Variants in ITGBL1 observed in about 807,000 individuals in gnomAD.
The protein encoded by ITGBL1 is integrin beta-like protein 1.
ITGBL1 carries 51 observed loss-of-function variants against 68.5 expected under a neutral mutation model. The observed-to-expected ratio is 0.74, with a 90% CI of 0.59 to 0.94. ITGBL1 has a LOEUF of 0.94. Among genes scored for constraint, ITGBL1 ranks in the 40% least tolerant of loss-of-function variants. The pLI is 0.00. For missense variants in ITGBL1, 649 were observed against 647.4 expected, an observed-to-expected ratio of 1.00 and a Z score of -0.03; for synonymous variants, 209 against 227.3, an observed-to-expected ratio of 0.92 and a Z score of 0.72.
intron 2 of ITGBL1, among the ~76,000 whole-genome samples, chr13:101,504,060 T>A (rs2048986188): frequency 6.6e-6 from 1 of 152,176 alleles, no homozygotes; most frequent in African/African-American, 2.4e-5. Context: ...CTGTAAAAGA[T>A]AAAGGCAATT....
intron 7 of ITGBL1, among the ~76,000 whole-genome samples, chr13:101,634,217 C>T (rs1033514197): frequency 6.6e-6 from 1 of 152,074 alleles, no homozygotes; most frequent in Non-Finnish European, 1.5e-5. Context: ...CTCTGCAAAA[C>T]TTGGAGTACA....
chr13:101,482,688 T>C (rs543688430), intron 2 of ITGBL1, among the ~76,000 whole-genome samples: 1 of 152,274 alleles, frequency 6.6e-6, no homozygotes, highest in South Asian at 2.1e-4. Context: ...AGGAGGCAGA[T>C]GTTTTTCAAA....
intron 7 of ITGBL1, among the ~76,000 whole-genome samples, chr13:101,613,274 A>G (rs72659145): frequency 0.21 from 31,530 of 152,100 alleles, 3,328 homozygotes; most frequent in Admixed American, 0.26. Context: ...ACGATTTAAT[A>G]GAGAAAACAA....
chr13:101,493,903 C>T (rs2048817716), intron 2 of ITGBL1, among the ~76,000 whole-genome samples: 1 of 152,178 alleles, frequency 6.6e-6, no homozygotes, highest in African/African-American at 2.4e-5. Flanking sequence ...ATTTCAGATC[C>T]ATTTAAGAGA....
intron 6 of ITGBL1, among the ~76,000 whole-genome samples, chr13:101,591,771 T>C (rs2050659246): frequency 6.6e-6 from 1 of 152,188 alleles, no homozygotes. Context: ...TTAAAAAGTG[T>C]AATTCCACTT....
At chr13:101,526,659 A>ATGTGTGTGTGTGTG (rs35919129) in intron 2 of ITGBL1, among the ~76,000 whole-genome samples, 21 of 149,402 alleles carry the variant, frequency 1.4e-4, no homozygotes, top group Admixed American at 4.7e-4. Context: ...TTGAAGTTAT[A>ATGTGTGTGTGTGTG]TGTGTGTGTG....
At chr13:101,697,803 G>GCCCTGTA (rs2034037663) in intron 8 of ITGBL1, among the ~76,000 whole-genome samples, 1 of 152,144 alleles carries the variant, frequency 6.6e-6, no homozygotes, top group African/African-American at 2.4e-5. Context: ...TTTGATGAAT[G>GCCCTGTA]CCCTGTATCT....
At chr13:101,557,151 T>C (rs2050020595) in intron 2 of ITGBL1, among the ~76,000 whole-genome samples, 1 of 152,150 alleles carries the variant, frequency 6.6e-6, no homozygotes, top group Non-Finnish European at 1.5e-5. Flanking sequence ...AGGCAACCAG[T>C]GGAACTTAGG....
At chr13:101,717,594 G>A (rs903281828), downstream of ITGBL1, 1 of 152,152 alleles carries the variant, frequency 6.6e-6, no homozygotes, top group Middle Eastern at 3.4e-3. Context: ...TCTCTATCAC[G>A]GCGCTTATCC....
At chr13:101,531,476 A>T (rs2049474227) in intron 2 of ITGBL1, among the ~76,000 whole-genome samples, 1 of 152,118 alleles carries the variant, frequency 6.6e-6, no homozygotes, top group South Asian at 2.1e-4. Context: ...TTAAAAAGCC[A>T]TTAACAATAT....
At chr13:101,604,958 ATATG>A (rs2030645849) in intron 7 of ITGBL1, among the ~76,000 whole-genome samples, 1 of 10,658 alleles carries the variant, frequency 9.4e-5, no homozygotes, top group African/African-American at 1.5e-4. Context: ...GTACATGTGT[ATATG>A]TATATATACA....
At chr13:101,453,076 C>A in intron 1 of ITGBL1, 145 bp downstream of exon 1, 1 of 643,344 alleles carries the variant, frequency 1.6e-6, no homozygotes, top group Non-Finnish European at 2.8e-6. Flanking sequence ...TTTTCCTCTC[C>A]TTATATCTAC....
chr13:101,562,806 A>G (rs1212148638), intron 2 of ITGBL1, among the ~76,000 whole-genome samples: 1 of 151,922 alleles, frequency 6.6e-6, no homozygotes, highest in Middle Eastern at 3.2e-3. Context: ...CTATATTACC[A>G]GCTTGACCAA....
chr13:101,599,234 C>T (rs1245135644), intron 7 of ITGBL1, among the ~76,000 whole-genome samples: 1 of 151,764 alleles, frequency 6.6e-6, no homozygotes, highest in African/African-American at 2.4e-5. Context: ...TAAATGTCTT[C>T]TTTTGAGAAG....
chr13:101,576,360 G>T (rs746489331), intron 4 of ITGBL1, among the ~76,000 whole-genome samples: 2 of 152,160 alleles, frequency 1.3e-5, no homozygotes, highest in African/African-American at 4.8e-5. Flanking sequence ...CTCACCACTT[G>T]CAGTTTTCAT....
Position 101,715,745 on chromosome 13 carries a change from C to A in ITGBL1, c.*91C>A. On this transcript the variant is annotated 3_prime_UTR_variant, in exon 11 of 11. Transcript: ENST00000376180. ...AAACCATGTATATTCACCACTAGGA[C>A]AGGTTAAAAAGACCATTGTATGTTT... The A allele has an allele frequency of 1.3e-6, 1 of 770,516 alleles. No homozygotes were observed. Among genetic ancestry groups the A allele is most frequent in the Non-Finnish European group, 2.3e-6 (1 of 444,088 alleles). The allele number at this position is 770,516 out of a possible 1,614,324, so 47.7% of individuals were successfully genotyped here.
intron 5 of ITGBL1, 65 bp from the exon 6 acceptor site, chr13:101,583,151 T>A (rs2050490647): frequency 6.8e-7 from 1 of 1,463,440 alleles, no homozygotes; most frequent in Middle Eastern, 1.8e-4. Flanking sequence ...ATAAGCGATA[T>A]GTGAAATGCT....
intron 2 of ITGBL1, among the ~76,000 whole-genome samples, chr13:101,464,774 A>G (rs2048361498): frequency 6.6e-6 from 1 of 152,154 alleles, no homozygotes; most frequent in African/African-American, 2.4e-5. Context: ...ACATACATAT[A>G]TATGTGTGTT....
At chr13:101,575,136 G>C (rs1206531816) in intron 3 of ITGBL1, among the ~76,000 whole-genome samples, 1 of 152,016 alleles carries the variant, frequency 6.6e-6, no homozygotes. Context: ...TGCATTGGTT[G>C]GATGGCTATA....
Sources: gnomAD v4.1 joint callset for allele counts (sites outside exome capture counted in the v4.1 genomes callset) on GRCh38, gnomAD v4.1.1 for gene constraint, MANE v1.5 for transcripts, NCBI Gene and HGNC (gene_info 2026-07-23, HGNC 2026-07-21) for gene names.